Variants in CLMN observed in about 807,000 individuals in gnomAD.
The protein encoded by CLMN is calmin, also known as calmin (calponin-like, transmembrane).
CLMN carries 57 observed loss-of-function variants against 92.7 expected under a neutral mutation model. The observed-to-expected ratio is 0.61, with a 90% CI of 0.50 to 0.77. The LOEUF is 0.77. Among genes scored for constraint, CLMN ranks in the 30% least tolerant of loss-of-function variants. CLMN has a pLI of 0.00. For missense variants in CLMN, 1,158 were observed against 1,237.5 expected (o/e 0.94, Z 0.96); for synonymous variants, 466 against 470.6 (o/e 0.99, Z 0.13).
rs149572386 is a variant in CLMN at position 95,226,949 on chromosome 14, G to A, written c.145-3094C>T. 5.9e-3 allele frequency among the ~76,000 whole-genome samples: 896 copies of A among 152,312 alleles called. 8 individuals are homozygous for A. Among genetic ancestry groups the A allele is most frequent in the African/African-American group, 0.021 (862 of 41,568 alleles). ...TTTACCTTTTTGTACTGGGGGCTTT[G>A]GCAAGGTTAGAGCAGCTGGTCTGGG... On this transcript the variant is annotated intron_variant, in intron 2 of 12. Transcript: ENST00000298912.
chr14:95,292,480 G>A (rs1900615029), intron 1 of CLMN, among the ~76,000 whole-genome samples: 1 of 104,508 alleles, frequency 9.6e-6, no homozygotes, highest in Non-Finnish European at 2.0e-5. Context: ...TTGGGTCACA[G>A]GCTCCATGGC....
intron 2 of CLMN, among the ~76,000 whole-genome samples, chr14:95,225,918 G>A (rs75312014): frequency 0.075 from 11,417 of 152,218 alleles, 458 homozygotes; most frequent in South Asian, 0.099. Context: ...GCTGGACGTG[G>A]CCGGGAGTCT....
At chr14:95,215,785 A>G (rs1284791509) in intron 4 of CLMN, 52 bp from the exon 5 acceptor site, 2 of 1,350,994 alleles carry the variant, frequency 1.5e-6, no homozygotes, top group East Asian at 2.3e-5. Flanking sequence ...GGAGGATAAC[A>G]TATGTTATTT....
At position 95,202,875 on chromosome 14, in the gene CLMN, C is replaced by A; in HGVS notation, c.2474G>T (p.Arg825Met). ...PLAPHEDHQQ[R>M]ETKENDPMDS... ...CATGGGGTCATTCTCTTTGGTCTCC[C>A]TTTGCTGGTGGTCCTCATGGGGGGC... Residue 825 changes from arginine (R) to methionine (M), a missense_variant, in exon 9 of 13, where the codon AGG becomes ATG. Transcript: ENST00000298912. 1.3e-6 allele frequency: 2 copies of A among 1,558,834 alleles called. No individual in the cohort carries two copies. The highest frequency in any genetic ancestry group is 8.6e-7 in the Non-Finnish European group (1 of 1,157,412).
intron 7 of CLMN, among the ~76,000 whole-genome samples, chr14:95,209,968 C>G (rs1897148909): frequency 1.3e-5 from 2 of 152,172 alleles, no homozygotes; most frequent in African/African-American, 4.8e-5. Flanking sequence ...GCTTTATTTA[C>G]TAAGATGTTC....
chr14:95,218,956 A>G (rs1897439546), intron 4 of CLMN, among the ~76,000 whole-genome samples: 2 of 152,216 alleles, frequency 1.3e-5, no homozygotes, highest in South Asian at 4.1e-4. Flanking sequence ...TTCCTAGGCT[A>G]GTCCTTCCCC....
At position 95,187,177 on chromosome 14, in the gene CLMN, G is replaced by GC. The variant is rs1180389696; in HGVS notation, c.*4386dup. On this transcript the variant is annotated 3_prime_UTR_variant, in exon 13 of 13. Coordinates refer to ENST00000298912, the MANE Select transcript of CLMN (RefSeq NM_024734.4). ...GTTCACAAACCAGTCAGAGCAGCAA[G>GC]CCCCCTAAGCAACCTGTGAGATAAC... The GC allele has an allele frequency of 6.6e-6, 1 of 152,276 alleles. No homozygotes were observed. Among genetic ancestry groups the GC allele is most frequent in the African/African-American group, 2.4e-5 (1 of 41,456 alleles). 9.4% of individuals were successfully genotyped at this position (152,276 alleles called of 1,614,324 possible). A position where few individuals can be genotyped will look rare whatever the true frequency, so the allele number is the denominator to read the frequency against.
At chr14:95,218,139 G>T (rs189197312) in intron 4 of CLMN, among the ~76,000 whole-genome samples, 1 of 152,318 alleles carries the variant, frequency 6.6e-6, no homozygotes, top group East Asian at 1.9e-4. Flanking sequence ...ATTGGTTTGT[G>T]GAAATATTCC....
chr14:95,280,328 T>A (rs181366059), intron 1 of CLMN, among the ~76,000 whole-genome samples: 2 of 152,242 alleles, frequency 1.3e-5, no homozygotes, highest in Non-Finnish European at 2.9e-5. Context: ...AGGACACTAA[T>A]GCAAAGGTAA....
Position 95,181,983 on chromosome 14 carries a change from C to A in CLMN, c.*9581G>T, listed in dbSNP as rs1184459413. The A allele has an allele frequency of 3.3e-5, 5 of 152,166 alleles. No homozygotes were observed. The highest frequency in any genetic ancestry group is 1.2e-4 in the African/African-American group (5 of 41,432). 9.4% of individuals were successfully genotyped at this position (152,166 alleles called of 1,614,324 possible). On this transcript the variant is annotated 3_prime_UTR_variant, in exon 13 of 13. Transcript: ENST00000298912. ...ATTCAAAAATTTTCTTAAGAATACA[C>A]ATGATTTTACAAGATCATTCATCAT...
rs575937131 is a variant in CLMN at position 95,205,154 on chromosome 14, C to T, written c.886-691G>A. ...AATTAAATAAAACTGCAACATAGCTCCTATTGACGCTGATATGATCAAAAC... is the reference window on the plus strand; with the variant it reads ...AATTAAATAAAACTGCAACATAGCTTCTATTGACGCTGATATGATCAAAAC... On this transcript the variant is annotated intron_variant, in intron 8 of 12. Transcript: ENST00000298912. Among the ~76,000 whole-genome samples, 5 of 152,236 alleles carry T rather than the reference C, an allele frequency of 3.3e-5. No individual in the cohort carries two copies. In the East Asian group the frequency reaches 9.7e-4, roughly 29 times the overall value.
At chr14:95,312,329 G>C (rs1287133392) in intron 1 of CLMN, among the ~76,000 whole-genome samples, 1 of 152,172 alleles carries the variant, frequency 6.6e-6, no homozygotes, top group Non-Finnish European at 1.5e-5. Context: ...CAAAGGACCA[G>C]GCTTCAAGTG....
chr14:95,234,681 C>T lies in CLMN; in HGVS notation c.83-4548G>A, dbSNP rs995879182. 5.3e-5 allele frequency among the ~76,000 whole-genome samples: 8 copies of T among 152,148 alleles called. No homozygotes were observed. In the South Asian group the frequency reaches 6.2e-4, roughly 12 times the overall value. On this transcript the variant is annotated intron_variant, in intron 1 of 12. Transcript: ENST00000298912. ...CTGGCCAGGCCTGGACTCCAGGGGC[C>T]GAGACAGAAGGGAGGGAGGCCTGGC... is the stretch of plus-strand genomic sequence containing the variant.
intron 1 of CLMN, among the ~76,000 whole-genome samples, chr14:95,271,000 T>C (rs1431641411): frequency 5.9e-5 from 9 of 152,220 alleles, no homozygotes; most frequent in African/African-American, 2.2e-4. Flanking sequence ...ATTTTAGCCA[T>C]TGTTTGTGGA....
chr14:95,252,621 G>T (rs1438470983), intron 1 of CLMN, among the ~76,000 whole-genome samples: 12 of 152,170 alleles, frequency 7.9e-5, no homozygotes, highest in Non-Finnish European at 7.3e-5. Flanking sequence ...CTTAGGGTGG[G>T]GACTGGCCGC....
chr14:95,217,831 G>T (rs1486943941), intron 4 of CLMN, among the ~76,000 whole-genome samples: 4 of 152,232 alleles, frequency 2.6e-5, no homozygotes. Flanking sequence ...TAAACACCAT[G>T]GTGCACCATC....
chr14:95,314,557 A>G (rs1475382741), intron 1 of CLMN, among the ~76,000 whole-genome samples: 1 of 152,180 alleles, frequency 6.6e-6, no homozygotes, highest in African/African-American at 2.4e-5. Context: ...CAAATGAGGA[A>G]ACTAAGGAAC....
chr14:95,217,712 C>T (rs184487486), intron 4 of CLMN, among the ~76,000 whole-genome samples: 1 of 152,378 alleles, frequency 6.6e-6, no homozygotes, highest in East Asian at 1.9e-4. Context: ...AACTTGATCA[C>T]CCTGGCCTTC....
chr14:95,290,062 C>T (rs1473197953), intron 1 of CLMN, among the ~76,000 whole-genome samples: 4 of 152,336 alleles, frequency 2.6e-5, no homozygotes, highest in African/African-American at 9.6e-5. Flanking sequence ...AATAATATAA[C>T]CTTTAAAAAA....
Sources: allele counts gnomAD v4.1 joint callset (sites outside exome capture counted in the v4.1 genomes callset), GRCh38; gene constraint gnomAD v4.1.1; transcripts MANE v1.5; gene names NCBI Gene and HGNC (gene_info 2026-07-23, HGNC 2026-07-21).